ARHGEF28: variants seen among roughly 807,000 people sequenced by gnomAD.
ARHGEF28 encodes the protein Rho guanine nucleotide exchange factor 28, also known as 190 kDa guanine nucleotide exchange factor.
In ARHGEF28, 152 loss-of-function variants were observed where a neutral mutation model predicts 206.6. That is an observed-to-expected ratio of 0.74 (90% CI 0.64 to 0.84). ARHGEF28 has a LOEUF of 0.84. Ranked by LOEUF, ARHGEF28 falls within the 40% of genes least tolerant of loss-of-function variation. ARHGEF28 has a pLI of 0.00. For synonymous variants in ARHGEF28, 763 were observed against 776.4 expected, an observed-to-expected ratio of 0.98 and a Z score of 0.29; for missense variants, 2,028 against 2,073.2, an observed-to-expected ratio of 0.98 and a Z score of 0.42.
At chr5:73,672,324 T>C (rs147779242) in intron 1 of ARHGEF28, among the ~76,000 whole-genome samples, 1 of 152,208 alleles carries the variant, frequency 6.6e-6, no homozygotes, top group Non-Finnish European at 1.5e-5. Flanking sequence ...AAAGATAGCA[T>C]GTCCTTATCT....
intron 31 of ARHGEF28, chr5:73,901,951 A>G (rs1283386180): frequency 1.3e-5 from 2 of 152,164 alleles, no homozygotes; most frequent in African/African-American, 4.8e-5. Context: ...AAGGAATAAA[A>G]TATGATTCTG....
At position 73,849,060 on chromosome 5, in the gene ARHGEF28, GAATT is replaced by G; in HGVS notation, c.1723_1726del (p.Leu575GlnfsTer44). The G allele has an allele frequency of 2.5e-6, 4 of 1,571,298 alleles. No individual in the cohort carries two copies. Among genetic ancestry groups the G allele is most frequent in the Non-Finnish European group, 3.5e-6 (4 of 1,155,772 alleles). ...TTTAGGAAAAACTCGTTTGGTGCGT[GAATT>G]AACAGTATGCAGTTCAAGTGAAGGT... On this transcript the variant is annotated frameshift_variant, in exon 13 of 36. Transcript: ENST00000513042. LOFTEE classifies it high-confidence loss of function.
chr5:73,894,653 T>C, intron 29 of ARHGEF28, 78 bp downstream of exon 29: 1 of 1,492,024 alleles, frequency 6.7e-7, no homozygotes, highest in Non-Finnish European at 9.0e-7. Flanking sequence ...CCATGCACTG[T>C]GGTCTTGGTG....
intron 10 of ARHGEF28, among the ~76,000 whole-genome samples, chr5:73,833,582 T>C (rs1358873759): frequency 1.3e-5 from 2 of 152,156 alleles, no homozygotes; most frequent in Non-Finnish European, 2.9e-5. Context: ...AAATCTAGAA[T>C]GGGTCATGGA....
At chr5:73,683,048 C>T (rs898076872) in intron 1 of ARHGEF28, among the ~76,000 whole-genome samples, 1 of 152,166 alleles carries the variant, frequency 6.6e-6, no homozygotes, top group South Asian at 2.1e-4. Context: ...TCTGGTGGAC[C>T]CAGAAGGCAT....
intron 35 of ARHGEF28, among the ~76,000 whole-genome samples, chr5:73,918,798 C>T (rs1377534662): frequency 2.0e-5 from 3 of 152,256 alleles, no homozygotes; most frequent in Admixed American, 6.5e-5. Context: ...AATCATGCTT[C>T]CCTTAGCTGG....
At chr5:73,866,746 A>G (rs1306259150) in intron 18 of ARHGEF28, among the ~76,000 whole-genome samples, 1 of 152,214 alleles carries the variant, frequency 6.6e-6, no homozygotes, top group African/African-American at 2.4e-5. Context: ...ACAAGAACCA[A>G]TCACGCCAAT....
At chr5:73,653,885 G>T (rs1391429688) in intron 1 of ARHGEF28, among the ~76,000 whole-genome samples, 1 of 152,218 alleles carries the variant, frequency 6.6e-6, no homozygotes, top group Non-Finnish European at 1.5e-5. Context: ...AGGTGGAAGT[G>T]TATATGTGGT....
At chr5:73,801,678 T>G (rs1755143873) in intron 9 of ARHGEF28, among the ~76,000 whole-genome samples, 1 of 152,110 alleles carries the variant, frequency 6.6e-6, no homozygotes, top group South Asian at 2.1e-4. Flanking sequence ...CAGATCTCTC[T>G]CTACACCCCA....
intron 9 of ARHGEF28, among the ~76,000 whole-genome samples, chr5:73,817,673 A>G (rs1756307915): frequency 6.6e-6 from 1 of 152,172 alleles, no homozygotes; most frequent in South Asian, 2.1e-4. Context: ...ATCTTCATTT[A>G]TTAGTTGGGG....
In ARHGEF28 at chr5:73,753,046, G is replaced by A; in HGVS notation, c.319G>A (p.Ala107Thr). ...CRLARLLVTQANRLTACSHQT... is the reference protein window; with the variant it reads ...CRLARLLVTQTNRLTACSHQT... Reference sequence around the variant, plus strand: ...GCTGGCTCGTCTGCTGGTGACGCAGGCCAATCGCCTCACAGCCTGCAGCCA... The same window carrying A: ...GCTGGCTCGTCTGCTGGTGACGCAGACCAATCGCCTCACAGCCTGCAGCCA... The change falls in exon 4 of 36, where the codon GCC (alanine) becomes ACC (threonine). Residue 107 changes from alanine to threonine, a missense_variant. Ala to Thr is a moderately conservative substitution (Grantham distance 58). This residue lies in a region of ARHGEF28 where 1,002 missense variants were observed against 1,015.3 expected (regional missense o/e 0.99). Coordinates refer to ENST00000513042, the MANE Select transcript of ARHGEF28 (RefSeq NM_001177693.2). 1 of 1,610,090 alleles carries A rather than the reference G, an allele frequency of 6.2e-7. No homozygotes were observed. The highest frequency in any genetic ancestry group is 8.5e-7 in the Non-Finnish European group (1 of 1,178,294).
chr5:73,940,048 A>G (rs116045605), intron 35 of ARHGEF28, among the ~76,000 whole-genome samples: 1,785 of 152,190 alleles, frequency 0.012, 43 homozygotes, highest in African/African-American at 0.039. Flanking sequence ...CAAGCTGGTT[A>G]TTTGTAATTT....
chr5:73,833,931 A>C (rs775907511), intron 10 of ARHGEF28, among the ~76,000 whole-genome samples: 35 of 152,142 alleles, frequency 2.3e-4, no homozygotes, highest in Non-Finnish European at 4.9e-4. Context: ...TGCCCTTGAC[A>C]CATGGGAATT....
At chr5:73,831,510 A>G (rs1376697529) in intron 9 of ARHGEF28, among the ~76,000 whole-genome samples, 1 of 152,244 alleles carries the variant, frequency 6.6e-6, no homozygotes, top group African/African-American at 2.4e-5. Context: ...GAGATTCTGC[A>G]TGTTAGCAAG....
Position 73,857,900 on chromosome 5 carries a change from T to G in ARHGEF28, c.1914+121T>G, listed in dbSNP as rs545238693. ...CTTAGATTTTATTTACACATATTTCTTATGGAATATTGCTAAAGCCCAGAA... is the reference window on the plus strand; with the variant it reads ...CTTAGATTTTATTTACACATATTTCGTATGGAATATTGCTAAAGCCCAGAA... On this transcript the variant is annotated intron_variant, in intron 15 of 35. Transcript: ENST00000513042. 219 of 1,391,120 alleles carry G rather than the reference T, an allele frequency of 1.6e-4. No homozygotes were observed. The African/African-American group carries it at 3.0e-3, about 19-fold the overall frequency. 86.2% of individuals were successfully genotyped at this position (1,391,120 alleles called of 1,614,324 possible).
intron 30 of ARHGEF28, chr5:73,899,632 G>C (rs1036286396): frequency 6.6e-6 from 1 of 152,232 alleles, no homozygotes; most frequent in Admixed American, 6.5e-5. Flanking sequence ...AAGGCACAAG[G>C]CTAGTTCTAA....
chr5:73,686,476 C>T (rs1038347146), intron 2 of ARHGEF28, among the ~76,000 whole-genome samples: 8 of 151,622 alleles, frequency 5.3e-5, no homozygotes, highest in Admixed American at 2.6e-4. Flanking sequence ...TTTAAATGAA[C>T]CAAATAAAAA....
At chr5:73,761,077 G>T (rs1752578102) in intron 4 of ARHGEF28, among the ~76,000 whole-genome samples, 1 of 152,136 alleles carries the variant, frequency 6.6e-6, no homozygotes, top group Non-Finnish European at 1.5e-5. Flanking sequence ...CCTACCCAAT[G>T]TGCTTCCCAA....
At chr5:73,887,715 G>T (rs757397431) in intron 26 of ARHGEF28, 36 bp downstream of exon 26, 1 of 1,476,434 alleles carries the variant, frequency 6.8e-7, no homozygotes, top group South Asian at 1.3e-5. Context: ...TTAAAAAATA[G>T]GTTTAACCAC....
Sources: gnomAD v4.1 joint callset for allele counts (sites outside exome capture counted in the v4.1 genomes callset) on GRCh38, gnomAD v4.1.1 for gene constraint, gnomAD v4.1.1 regional missense constraint, MANE v1.5 for transcripts, NCBI Gene and HGNC (gene_info 2026-07-23, HGNC 2026-07-21) for gene names.